The following ZNF431 variants were observed in gnomAD, a reference collection of about 807,000 sequenced individuals.
The protein encoded by ZNF431 is zinc finger protein 431.
ZNF431 carries 34 observed loss-of-function variants against 57.0 expected under a neutral mutation model. That is an observed-to-expected ratio of 0.60 (90% CI 0.45 to 0.79). ZNF431 has a LOEUF of 0.79. ZNF431 is among the 30% of genes least tolerant of loss of function. The probability of loss-of-function intolerance (pLI) is 0.00; values close to 1 mark genes in which losing one functional copy is unlikely to be tolerated. For synonymous variants in ZNF431, 207 were observed against 220.3 expected, an observed-to-expected ratio of 0.94 and a Z score of 0.54; for missense variants, 607 against 667.1, an observed-to-expected ratio of 0.91 and a Z score of 0.99.
chr19:21,174,441 A>T (rs556743699), intron 4 of ZNF431, among the ~76,000 whole-genome samples: 2 of 152,298 alleles, frequency 1.3e-5, no homozygotes, highest in South Asian at 2.1e-4. Context: ...ATATAAATAG[A>T]TATGATAGTT....
chr19:21,144,271 T>C (rs1183472723), intron 2 of ZNF431, among the ~76,000 whole-genome samples: 1 of 151,968 alleles, frequency 6.6e-6, no homozygotes, highest in Non-Finnish European at 1.5e-5. Flanking sequence ...TGATCTTGGC[T>C]CACTACAACC....
At chr19:21,168,853 TTA>T in intron 4 of ZNF431, among the ~76,000 whole-genome samples, 1 of 152,268 alleles carries the variant, frequency 6.6e-6, no homozygotes, top group African/African-American at 2.4e-5. Flanking sequence ...AACCATAACT[TTA>T]TGTTAATTTT....
intron 4 of ZNF431, among the ~76,000 whole-genome samples, chr19:21,172,634 CTA>C (rs1164537640): frequency 2.0e-5 from 3 of 151,934 alleles, no homozygotes; most frequent in Non-Finnish European, 4.4e-5. Flanking sequence ...GATTTCCTCT[CTA>C]TAAAAATTTT....
chr19:21,163,243 G>T (rs941859187), intron 2 of ZNF431, among the ~76,000 whole-genome samples: 1 of 152,194 alleles, frequency 6.6e-6, no homozygotes, highest in African/African-American at 2.4e-5. Flanking sequence ...TGAAATTGCT[G>T]CTTTCTGTTT....
chr19:21,153,440 C>T (rs1970333392), intron 2 of ZNF431, among the ~76,000 whole-genome samples: 1 of 152,206 alleles, frequency 6.6e-6, no homozygotes, highest in South Asian at 2.1e-4. Flanking sequence ...GAAAAGAGAG[C>T]ACCATCTAAG....
At chr19:21,150,683 T>C (rs1970245706) in intron 2 of ZNF431, among the ~76,000 whole-genome samples, 1 of 152,216 alleles carries the variant, frequency 6.6e-6, no homozygotes. Flanking sequence ...GATACCTCCA[T>C]ATTTCCTAGG....
At chr19:21,159,318 A>G (rs1451661426) in intron 2 of ZNF431, among the ~76,000 whole-genome samples, 8 of 152,070 alleles carry the variant, frequency 5.3e-5, no homozygotes, top group African/African-American at 7.2e-5. Flanking sequence ...TCAGAATTCT[A>G]TATAGAATTA....
rs899902896 is a variant in ZNF431, at chr19:21,185,929, A to G, written c.*1895A>G. ...TTTTATTTACCACAGTGTTATTTTT[A>G]TCGTCATAATAAAAATTATATACGA... On this transcript the variant is annotated 3_prime_UTR_variant, in exon 5 of 5. Transcript: ENST00000311048. 1 of 152,174 alleles carries G rather than the reference A, an allele frequency of 6.6e-6. No individual in the cohort carries two copies. Among genetic ancestry groups the G allele is most frequent in the Admixed American group, 6.5e-5 (1 of 15,276 alleles). 9.4% of individuals were successfully genotyped at this position (152,174 alleles called of 1,614,324 possible).
intron 2 of ZNF431, among the ~76,000 whole-genome samples, chr19:21,144,070 G>A (rs1157876369): frequency 6.6e-6 from 1 of 151,980 alleles, no homozygotes; most frequent in Non-Finnish European, 1.5e-5. Flanking sequence ...TGAAACATGA[G>A]TCAGACACAC....
At chr19:21,155,427 T>G (rs1342039789) in intron 2 of ZNF431, among the ~76,000 whole-genome samples, 1 of 152,204 alleles carries the variant, frequency 6.6e-6, no homozygotes, top group Non-Finnish European at 1.5e-5. Context: ...ACTGTAGCCT[T>G]GTTGTATAGT....
Position 21,182,662 on chromosome 19 carries a change from A to C in ZNF431, c.359A>C (p.Gln120Pro). 1.9e-6 allele frequency: 3 copies of C among 1,611,714 alleles called. No individual in the cohort carries two copies. The highest frequency in any genetic ancestry group is 2.5e-6 in the Non-Finnish European group (3 of 1,179,332). ...TTTACCAAAGACCTTTGGCCAGAGC[A>C]AGACATAAAAGATTCTTTTCAACAA... is the stretch of plus-strand genomic sequence containing the variant. ...SYFTKDLWPE[Q>P]DIKDSFQQVI... Residue 120 changes from glutamine (Q) to proline (P), a missense_variant, in exon 5 of 5, where the codon CAA (glutamine) becomes CCA (proline). Coordinates refer to ENST00000311048, the MANE Select transcript of ZNF431 (RefSeq NM_133473.4).
At chr19:21,149,463 C>T (rs1170982995) in intron 2 of ZNF431, among the ~76,000 whole-genome samples, 5 of 152,254 alleles carry the variant, frequency 3.3e-5, no homozygotes, top group East Asian at 3.9e-4. Flanking sequence ...ATTTGATTTA[C>T]GCTCTTACTA....
intron 2 of ZNF431, among the ~76,000 whole-genome samples, chr19:21,144,339 C>T (rs1470205138): frequency 6.6e-6 from 1 of 151,914 alleles, no homozygotes; most frequent in Non-Finnish European, 1.5e-5. Flanking sequence ...GCTGAGATTA[C>T]AGGCACACAC....
chr19:21,159,045 A>G (rs914057330), intron 2 of ZNF431, among the ~76,000 whole-genome samples: 15 of 152,200 alleles, frequency 9.9e-5, no homozygotes, highest in Admixed American at 4.6e-4. Context: ...AATTATATTG[A>G]AAGTGTTTTT....
chr19:21,148,049 G>T (rs1970153703), intron 2 of ZNF431, among the ~76,000 whole-genome samples: 1 of 150,960 alleles, frequency 6.6e-6, no homozygotes, highest in African/African-American at 2.4e-5. Flanking sequence ...AGGCTGGAGT[G>T]CTATGGCAGG....
At position 21,195,252 on chromosome 19, in the gene ZNF431, C is replaced by T. The variant is rs1971584669; in HGVS notation, c.*11218C>T. ...AATTGCTTCATTTCTGCAATTTCTG[C>T]TGCTTCTTAAGATGCTTTTAATGAA... On this transcript the variant is annotated 3_prime_UTR_variant, in exon 5 of 5. Coordinates refer to ENST00000311048, the MANE Select transcript of ZNF431 (RefSeq NM_133473.4). 1 of 152,196 alleles carries T rather than the reference C, an allele frequency of 6.6e-6. No homozygotes were observed. The highest frequency in any genetic ancestry group is 1.5e-5 in the Non-Finnish European group (1 of 68,024). 9.4% of individuals were successfully genotyped at this position (152,196 alleles called of 1,614,324 possible).
chr19:21,169,999 CA>C (rs1970837138), intron 4 of ZNF431: 2 of 395,568 alleles, frequency 5.1e-6, no homozygotes, highest in Non-Finnish European at 8.9e-6. Flanking sequence ...GAGTTAATTT[CA>C]GAATTCTCTG....
At chr19:21,160,573 T>A (rs1795863580) in intron 2 of ZNF431, among the ~76,000 whole-genome samples, 1 of 152,208 alleles carries the variant, frequency 6.6e-6, no homozygotes, top group Non-Finnish European at 1.5e-5. Flanking sequence ...CTCTCCATCC[T>A]GGCTTATCAG....
At position 21,191,513 on chromosome 19, in the gene ZNF431, CAGT is replaced by C. The variant is rs1328420875; in HGVS notation, c.*7486_*7488del. The C allele has an allele frequency of 6.6e-6, 1 of 151,566 alleles. No individual in the cohort carries two copies. Among genetic ancestry groups the C allele is most frequent in the Non-Finnish European group, 1.5e-5 (1 of 67,956 alleles). The allele number at this position is 151,566 out of a possible 1,614,324, so 9.4% of individuals were successfully genotyped here. On this transcript the variant is annotated 3_prime_UTR_variant, in exon 5 of 5. Transcript: ENST00000311048. ...ATAGGGCTTTTGCTCTATATTTTGG[CAGT>C]AGTAGTTTCAGAGTGTCAGGCCTTA...
Sources: gnomAD v4.1 joint callset for allele counts (sites outside exome capture counted in the v4.1 genomes callset) on GRCh38, gnomAD v4.1.1 for gene constraint, MANE v1.5 for transcripts, NCBI Gene and HGNC (gene_info 2026-07-23, HGNC 2026-07-21) for gene names.